PPM1L: variants seen among roughly 807,000 people sequenced by gnomAD.
PPM1L encodes protein phosphatase, Mg2+/Mn2+ dependent 1L.
In PPM1L, 13 loss-of-function variants were observed where a neutral mutation model predicts 31.4. The ratio of observed to expected loss-of-function variants is 0.41; its 90% confidence interval spans 0.27 to 0.66. The LOEUF (loss-of-function observed/expected upper bound fraction) is 0.66, where lower values mean the gene tolerates loss of function less well. Among genes scored for constraint, PPM1L ranks in the 30% least tolerant of loss-of-function variants. The pLI is 0.29. For synonymous variants in PPM1L, 184 were observed against 175.4 expected (o/e 1.05, Z -0.39); for missense variants, 326 against 453.7 (o/e 0.72, Z 2.56).
chr3:161,005,713 C>T (rs764011908), intron 2 of PPM1L, among the ~76,000 whole-genome samples: 3 of 152,096 alleles, frequency 2.0e-5, no homozygotes, highest in Non-Finnish European at 4.4e-5. Flanking sequence ...ATGTAAAGCA[C>T]TTGAAACACA....
intron 1 of PPM1L, among the ~76,000 whole-genome samples, chr3:160,878,452 A>G (rs1033632364): frequency 6.6e-6 from 1 of 152,128 alleles, no homozygotes; most frequent in African/African-American, 2.4e-5. Flanking sequence ...TGGTTGTTTT[A>G]TGGCTGTGTC....
intron 1 of PPM1L, among the ~76,000 whole-genome samples, chr3:160,885,876 T>C (rs1437145279): frequency 6.6e-6 from 1 of 152,278 alleles, no homozygotes; most frequent in East Asian, 1.9e-4. Flanking sequence ...GGCTGCCTGC[T>C]GTGTAAGCCA....
chr3:160,877,952 G>A (rs972335511), intron 1 of PPM1L, among the ~76,000 whole-genome samples: 41 of 152,156 alleles, frequency 2.7e-4, no homozygotes, highest in Admixed American at 1.3e-3. Context: ...ACAGCTGCAG[G>A]CATTCACCTG....
chr3:161,058,680 G>A (rs573414847), intron 2 of PPM1L, among the ~76,000 whole-genome samples: 1 of 152,128 alleles, frequency 6.6e-6, no homozygotes, highest in South Asian at 2.1e-4. Context: ...CTGCTTAGAG[G>A]GAGAATACCT....
intron 1 of PPM1L, among the ~76,000 whole-genome samples, chr3:160,921,183 G>A (rs953555712): frequency 3.3e-5 from 5 of 152,088 alleles, no homozygotes; most frequent in East Asian, 3.9e-4. Flanking sequence ...TTCCTCCTGC[G>A]TAACTGTGGA....
chr3:161,004,931 T>A (rs1037319387), intron 2 of PPM1L, among the ~76,000 whole-genome samples: 1 of 152,210 alleles, frequency 6.6e-6, no homozygotes, highest in African/African-American at 2.4e-5. Flanking sequence ...AATTGTGATG[T>A]TAGGGTGTCA....
intron 1 of PPM1L, among the ~76,000 whole-genome samples, chr3:160,920,609 T>TCACACACACACACACA (rs1278287003): frequency 2.0e-5 from 1 of 49,168 alleles, no homozygotes; most frequent in Admixed American, 2.0e-4. Context: ...TCTCTCTCTC[T>TCACACACACACACACA]CTCTCTCACA....
intron 2 of PPM1L, among the ~76,000 whole-genome samples, chr3:161,018,688 C>T (rs1299618801): frequency 6.6e-6 from 1 of 151,858 alleles, no homozygotes; most frequent in East Asian, 1.9e-4. Flanking sequence ...AAAATTTAAA[C>T]CTAAAAATAA....
chr3:160,868,616 C>A (rs1712178157), intron 1 of PPM1L, among the ~76,000 whole-genome samples: 1 of 152,138 alleles, frequency 6.6e-6, no homozygotes, highest in South Asian at 2.1e-4. Flanking sequence ...CCACCTAAAA[C>A]CTAGTCTGAG....
At chr3:160,922,085 C>T (rs1184974610) in intron 1 of PPM1L, among the ~76,000 whole-genome samples, 1 of 152,084 alleles carries the variant, frequency 6.6e-6, no homozygotes, top group Non-Finnish European at 1.5e-5. Flanking sequence ...CCAAGGCGGG[C>T]AGATCACGAG....
intron 2 of PPM1L, among the ~76,000 whole-genome samples, chr3:160,962,547 G>A (rs1361331278): frequency 6.7e-6 from 1 of 150,204 alleles, no homozygotes. Context: ...AACTTAAGCA[G>A]CAGAAATACC....
intron 2 of PPM1L, among the ~76,000 whole-genome samples, chr3:160,972,932 G>A (rs1716402741): frequency 6.6e-6 from 1 of 151,844 alleles, no homozygotes; most frequent in Admixed American, 6.6e-5. Flanking sequence ...GTTTTGATTT[G>A]CATTTCTCTG....
Position 160,970,947 on chromosome 3 carries a change from C to T in PPM1L, c.574+9037C>T, listed in dbSNP as rs1226852731. On this transcript the variant is annotated intron_variant, in intron 2 of 3. Coordinates refer to ENST00000498165, the MANE Select transcript of PPM1L (RefSeq NM_139245.4). Reference sequence around the variant, plus strand: ...CTGGGACTACAGGCGCCCGCCACCTCGCCCGGCTAATTTTTTGTATTTTTA... The same window carrying T: ...CTGGGACTACAGGCGCCCGCCACCTTGCCCGGCTAATTTTTTGTATTTTTA... Among the ~76,000 whole-genome samples, 4 of 151,992 alleles carry T rather than the reference C, an allele frequency of 2.6e-5. No individual in the cohort carries two copies. The East Asian group carries it at 5.8e-4, about 22-fold the overall frequency.
chr3:161,037,662 C>T (rs1417882509), intron 2 of PPM1L, among the ~76,000 whole-genome samples: 4 of 148,136 alleles, frequency 2.7e-5, no homozygotes, highest in Non-Finnish European at 6.0e-5. Flanking sequence ...GAACTCCCGA[C>T]CTCAGGTGAT....
chr3:161,026,365 A>C (rs1324835287), intron 2 of PPM1L, among the ~76,000 whole-genome samples: 5 of 152,226 alleles, frequency 3.3e-5, no homozygotes, highest in African/African-American at 4.8e-5. Flanking sequence ...GACCTCTCAG[A>C]AGAGGTAACA....
rs561155650 is a variant in PPM1L, at chr3:160,794,469, T to C, written c.399+37762T>C. 3.3e-5 allele frequency among the ~76,000 whole-genome samples: 5 copies of C among 152,296 alleles called. No homozygotes were observed. In the East Asian group the frequency reaches 7.7e-4, roughly 23 times the overall value. On this transcript the variant is annotated intron_variant, in intron 1 of 3. Coordinates refer to ENST00000498165, the MANE Select transcript of PPM1L (RefSeq NM_139245.4). ...AGGCAAGAATATTCACCGAAAAGCA[T>C]TTGGTATGAGAGGAAAAGATGTTCA...
intron 2 of PPM1L, among the ~76,000 whole-genome samples, chr3:161,044,030 T>G (rs536606298): frequency 6.6e-6 from 1 of 152,284 alleles, no homozygotes; most frequent in South Asian, 2.1e-4. Flanking sequence ...AATATCTCAT[T>G]TGTATATTGC....
chr3:160,764,675 C>T (rs1028667384), intron 1 of PPM1L, among the ~76,000 whole-genome samples: 25 of 152,084 alleles, frequency 1.6e-4, no homozygotes, highest in Non-Finnish European at 2.8e-4. Context: ...ACCATGTTGG[C>T]CAGGCTGGTC....
chr3:160,893,524 G>A (rs959340197), intron 1 of PPM1L, among the ~76,000 whole-genome samples: 1 of 152,148 alleles, frequency 6.6e-6, no homozygotes, highest in Admixed American at 6.5e-5. Context: ...GAAGGTGAAT[G>A]TGAATGAAAT....
Sources: allele counts gnomAD v4.1 joint callset (sites outside exome capture counted in the v4.1 genomes callset), GRCh38; gene constraint gnomAD v4.1.1; transcripts MANE v1.5; gene names NCBI Gene and HGNC (gene_info 2026-07-23, HGNC 2026-07-21).